Variants in NUP160 observed in about 807,000 individuals in gnomAD.
NUP160 encodes nuclear pore complex protein Nup160.
A neutral mutation model predicts 196.9 loss-of-function variants in NUP160; 94 were observed. That is an observed-to-expected ratio of 0.48 (90% CI 0.40 to 0.57). The LOEUF (loss-of-function observed/expected upper bound fraction) is 0.57. Ranked by LOEUF, NUP160 falls within the 20% of genes least tolerant of loss-of-function variation. NUP160 has a pLI of 0.00. For synonymous variants in NUP160, 605 were observed against 619.7 expected (o/e 0.98, Z 0.35); for missense variants, 1,638 against 1,748.3 (o/e 0.94, Z 1.13).
intron 7 of NUP160, among the ~76,000 whole-genome samples, chr11:47,825,357 A>G (rs1851947186): frequency 6.7e-6 from 1 of 149,558 alleles, no homozygotes. Flanking sequence ...ATCTCGGCTC[A>G]CTGCAACCTC....
chr11:47,848,034 G>C (rs1243849225), intron 1 of NUP160, 75 bp from the exon 2 acceptor site: 2 of 1,323,210 alleles, frequency 1.5e-6, no homozygotes, highest in African/African-American at 2.9e-5. Context: ...TGACAAAGCA[G>C]AGAGTGACAG....
intron 19 of NUP160, among the ~76,000 whole-genome samples, 160 bp downstream of exon 19, chr11:47,806,910 C>T (rs1436403426): frequency 1.3e-5 from 2 of 151,544 alleles, no homozygotes; most frequent in Non-Finnish European, 2.9e-5. Flanking sequence ...TCACAGACCC[C>T]ATGCCACAAA....
intron 4 of NUP160, among the ~76,000 whole-genome samples, chr11:47,838,402 T>C (rs1852222328): frequency 6.6e-6 from 1 of 152,166 alleles, no homozygotes; most frequent in Admixed American, 6.5e-5. Context: ...CATGATATAT[T>C]TGAATCCCAC....
intron 7 of NUP160, among the ~76,000 whole-genome samples, chr11:47,827,792 T>A (rs1852001123): frequency 1.3e-5 from 2 of 150,122 alleles, no homozygotes; most frequent in Admixed American, 1.3e-4. Context: ...CCCACCTCCC[T>A]CCAAAAAAAT....
At chr11:47,784,706 T>C (rs1044922126) in intron 33 of NUP160, 33 of 310,122 alleles carry the variant, frequency 1.1e-4, no homozygotes, top group African/African-American at 6.6e-4. Context: ...TTTTTCTTTA[T>C]ATATTTTTAA....
chr11:47,848,306 C>T (rs1852444140), exon 1 of NUP160: 1 of 1,613,970 alleles, frequency 6.2e-7, no homozygotes, highest in Non-Finnish European at 8.5e-7. Context: ...TCCAGGGCTC[C>T]CGCCGCCGCC....
At chr11:47,816,138 G>T in intron 11 of NUP160, 109 bp from the exon 12 acceptor site, 1 of 694,518 alleles carries the variant, frequency 1.4e-6, no homozygotes, top group Non-Finnish European at 2.4e-6. Flanking sequence ...TAGAGATTTG[G>T]CATACCTGGA....
intron 27 of NUP160, chr11:47,796,323 G>A: frequency 2.9e-6 from 2 of 696,462 alleles, no homozygotes; most frequent in South Asian, 3.0e-5. Context: ...TAGCTCCAGG[G>A]CTACCTGTGA....
chr11:47,801,495 A>C (rs1248508930), intron 23 of NUP160, among the ~76,000 whole-genome samples: 1 of 151,536 alleles, frequency 6.6e-6, no homozygotes, highest in Admixed American at 6.6e-5. Flanking sequence ...GATTACAGGC[A>C]CCCGCCACCA....
chr11:47,832,348 C>T (rs1231867093), intron 7 of NUP160, among the ~76,000 whole-genome samples: 1 of 152,152 alleles, frequency 6.6e-6, no homozygotes, highest in African/African-American at 2.4e-5. Context: ...TAATGAAAGG[C>T]CACCAGGTTA....
At chr11:47,798,408 G>A in exon 24 of NUP160, 2 of 1,610,940 alleles carry the variant, frequency 1.2e-6, no homozygotes, top group Non-Finnish European at 1.7e-6. Flanking sequence ...TATGGCTGAT[G>A]TAGCCAACTG....
intron 27 of NUP160, 28 bp from the exon 28 acceptor site, chr11:47,792,974 A>G: frequency 6.3e-7 from 1 of 1,584,688 alleles, no homozygotes; most frequent in Non-Finnish European, 8.6e-7. Flanking sequence ...ATTAGACTTT[A>G]GAACTTCCAA....
intron 29 of NUP160, among the ~76,000 whole-genome samples, chr11:47,788,875 AC>A (rs2097666311): frequency 6.6e-6 from 1 of 151,070 alleles, no homozygotes; most frequent in Admixed American, 6.6e-5. Context: ...AACTCTTTAA[AC>A]TTTTTTTTTT....
chr11:47,847,959 C>T lies in NUP160; in HGVS notation c.203G>A (p.Gly68Glu), dbSNP rs763888630. Residue 68 changes from glycine to glutamate, a missense_variant and splice_region_variant, in exon 2 of 36, where the codon GGG (glycine) becomes GAG (glutamate). By Grantham distance (98) the Gly-to-Glu change is moderately conservative. Coordinates refer to ENST00000378460, the Ensembl canonical transcript of NUP160. ...GGCGCCAGCCACGGCATTTGCAGTC[C>T]CTGCAAAATGAACGTGGTCAGCCTG... The T allele has an allele frequency of 1.2e-6, 2 of 1,611,512 alleles. No homozygotes were observed. The highest frequency in any genetic ancestry group is 3.3e-5 in the Admixed American group (2 of 60,006).
intron 30 of NUP160, 26 bp from the exon 31 acceptor site, chr11:47,788,331 C>T (rs1344785168): frequency 8.1e-6 from 13 of 1,613,098 alleles, no homozygotes; most frequent in East Asian, 2.2e-5. Context: ...AAGATTATTT[C>T]GTGTAGCCAA....
intron 17 of NUP160, among the ~76,000 whole-genome samples, chr11:47,810,259 G>T (rs74524842): frequency 6.6e-6 from 1 of 151,680 alleles, no homozygotes; most frequent in African/African-American, 2.4e-5. Context: ...GTGCAATGGC[G>T]CAATCACAGC....
At chr11:47,841,699 GT>G (rs995613083) in intron 2 of NUP160, 699 of 278,052 alleles carry the variant, frequency 2.5e-3, no homozygotes, top group South Asian at 6.7e-3. Context: ...TTGTTTGTTT[GT>G]TTTTTTTTTG....
chr11:47,813,562 G>T, intron 13 of NUP160, 147 bp from the exon 14 acceptor site: 1 of 592,234 alleles, frequency 1.7e-6, no homozygotes. Flanking sequence ...GGGCACAGTG[G>T]CTCACATCTG....
At chr11:47,782,636 A>G (rs2135339614) in intron 34 of NUP160, among the ~76,000 whole-genome samples, 1 of 151,688 alleles carries the variant, frequency 6.6e-6, no homozygotes, top group South Asian at 2.1e-4. Context: ...CGGTTGTATG[A>G]GTATTTTATT....
Sources: gnomAD v4.1 joint callset for allele counts (sites outside exome capture counted in the v4.1 genomes callset) on GRCh38, gnomAD v4.1.1 for gene constraint, MANE v1.5 for transcripts, NCBI Gene and HGNC (gene_info 2026-07-23, HGNC 2026-07-21) for gene names.